Variants in ZNF775 observed in about 807,000 individuals in gnomAD.
ZNF775 encodes the protein zinc finger protein 775.
ZNF775 carries 1 observed loss-of-function variant against 2.4 expected under a neutral mutation model. The observed-to-expected ratio is 0.41, with a 90% CI of 0.15 to 1.94. The LOEUF (loss-of-function observed/expected upper bound fraction) is 1.94, where lower values mean the gene tolerates loss of function less well. ZNF775 is among the 30% of genes most tolerant of loss of function. The probability of loss-of-function intolerance (pLI) is 0.30; values close to 1 mark genes in which losing one functional copy is unlikely to be tolerated. For synonymous variants in ZNF775, 381 were observed against 373.3 expected (o/e 1.02, Z -0.24); for missense variants, 823 against 826.6 (o/e 1.00, Z 0.05).
chr7:150,392,833 C>T (rs1391564056), intron 2 of ZNF775, among the ~76,000 whole-genome samples: 1 of 152,204 alleles, frequency 6.6e-6, no homozygotes, highest in Non-Finnish European at 1.5e-5. Context: ...TGTGCTTGAC[C>T]TAGACTTTAT....
In ZNF775 at chr7:150,397,296, C is replaced by G; in HGVS notation, c.815C>G (p.Pro272Arg). The change falls in exon 3 of 3, where the codon CCC becomes CGC. Residue 272 changes from proline (P) to arginine (R), a missense_variant. Transcript: ENST00000329630. ...GGGGCCCGGGCCGCGGTCTCCGGCCCCGAGGGGCCGGGCGAGCCGCGCCAG... is the reference window on the plus strand; with the variant it reads ...GGGGCCCGGGCCGCGGTCTCCGGCCGCGAGGGGCCGGGCGAGCCGCGCCAG... The part of the protein sequence containing the change: ...QPGARAAVSG[P>R]EGPGEPRQFI... 6.4e-7 allele frequency: 1 copy of G among 1,554,932 alleles called. No individual in the cohort carries two copies.
At chr7:150,396,463 C>T (rs1563260205) in intron 2 of ZNF775, 50 bp from the exon 3 acceptor site, 3 of 1,511,016 alleles carry the variant, frequency 2.0e-6, no homozygotes, top group Non-Finnish European at 2.7e-6. Context: ...TCCCACCCAG[C>T]GGAGCAGCAG....
chr7:150,380,306 G>C (rs960895613), intron 1 of ZNF775: 1 of 152,240 alleles, frequency 6.6e-6, no homozygotes, highest in Non-Finnish European at 1.5e-5. Context: ...CCTTATGACA[G>C]TTTTTATTAA....
intron 1 of ZNF775, among the ~76,000 whole-genome samples, chr7:150,387,724 G>A (rs1800478911): frequency 6.6e-6 from 1 of 151,990 alleles, no homozygotes; most frequent in African/African-American, 2.4e-5. Flanking sequence ...GAGGCAGAAT[G>A]GCGTGAACCT....
At chr7:150,393,704 C>T (rs1456886549) in intron 2 of ZNF775, among the ~76,000 whole-genome samples, 2 of 152,122 alleles carry the variant, frequency 1.3e-5, no homozygotes, top group Non-Finnish European at 2.9e-5. Context: ...GTTTTGCTCT[C>T]GTTGCCCAGG....
At position 150,397,792 on chromosome 7, in the gene ZNF775, C is replaced by T. The variant is rs1278238771; in HGVS notation, c.1311C>T (p.Leu437=). The change falls in exon 3 of 3, where the codon CTC becomes CTT. Residue 437 remains leucine (L), a synonymous_variant. Transcript: ENST00000329630. ...DTLWGRGQAG[L]AGPGEPRQFI... is the part of the protein sequence containing the mutation. ...TGTGGGGCCGGGGACAAGCGGGCCTCGCTGGGCCTGGCGAGCCGCGCCAGT... is the reference window on the plus strand; with the variant it reads ...TGTGGGGCCGGGGACAAGCGGGCCTTGCTGGGCCTGGCGAGCCGCGCCAGT... 18 of 1,556,126 alleles carry T rather than the reference C, an allele frequency of 1.2e-5. No individual in the cohort carries two copies. Among genetic ancestry groups the T allele is most frequent in the Non-Finnish European group, 1.5e-5 (17 of 1,156,356 alleles).
In ZNF775 at chr7:150,396,766, CCT is replaced by C. The variant is rs1320504109; in HGVS notation, c.286_287del (p.Leu96GlufsTer277). ...GRAPGSASGP[L>X]SPSLSSGEGH... ...GGGCTCCCGGGTCAGCCTCCGGCCCCCTGAGCCCCTCGCTTTCCTCCGGCGAG... is the reference window on the plus strand; with the variant it reads ...GGGCTCCCGGGTCAGCCTCCGGCCCCGAGCCCCTCGCTTTCCTCCGGCGAG... On this transcript the variant is annotated frameshift_variant, in exon 3 of 3. Coordinates refer to ENST00000329630, the MANE Select transcript of ZNF775 (RefSeq NM_173680.4). LOFTEE classifies it low-confidence loss of function (END_TRUNC). 2 of 1,591,204 alleles carry C rather than the reference CCT, an allele frequency of 1.3e-6. No homozygotes were observed. The highest frequency in any genetic ancestry group is 3.5e-5 in the Admixed American group (2 of 56,590).
intron 1 of ZNF775, among the ~76,000 whole-genome samples, chr7:150,380,762 A>T (rs920149483): frequency 6.6e-6 from 1 of 152,144 alleles, no homozygotes; most frequent in Non-Finnish European, 1.5e-5. Context: ...TGTTACCTTT[A>T]GTTTCTTTAG....
Position 150,384,912 on chromosome 7 carries a change from G to C in ZNF775, c.-49-3510G>C, listed in dbSNP as rs147807354. 7.9e-5 allele frequency among the ~76,000 whole-genome samples: 12 copies of C among 152,286 alleles called. 1 individual carries two copies. Among genetic ancestry groups the C allele is most frequent in the Admixed American group, 7.8e-4 (12 of 15,304 alleles). On this transcript the variant is annotated intron_variant, in intron 1 of 2. Coordinates refer to ENST00000329630, the MANE Select transcript of ZNF775 (RefSeq NM_173680.4). This position sits in a 1 kb window ranked among gnomAD's most constrained non-coding sequence, Gnocchi z 4.1. Reference sequence around the variant, plus strand: ...GTCTTTGATTTGCCTTGGGGGTCTCGCTCTGTGGAGACCCAGGCCCATCCT... The same window carrying C: ...GTCTTTGATTTGCCTTGGGGGTCTCCCTCTGTGGAGACCCAGGCCCATCCT...
At chr7:150,386,646 G>A (rs1349115381) in intron 1 of ZNF775, among the ~76,000 whole-genome samples, 1 of 152,124 alleles carries the variant, frequency 6.6e-6, no homozygotes, top group African/African-American at 2.4e-5. Context: ...GCCCCTCCCT[G>A]AGGCAGCAGG....
At chr7:150,379,733 C>T (rs1394657224) in intron 1 of ZNF775, 1 of 152,224 alleles carries the variant, frequency 6.6e-6, no homozygotes, top group African/African-American at 2.4e-5. Context: ...CGCGGGCGGT[C>T]TCTCCTGGGC....
At chr7:150,392,901 A>G (rs1293666791) in intron 2 of ZNF775, among the ~76,000 whole-genome samples, 1 of 152,048 alleles carries the variant, frequency 6.6e-6, no homozygotes, top group Non-Finnish European at 1.5e-5. Context: ...GTTCCCCTAT[A>G]CCTTAGCTCC....
chr7:150,389,321 G>A (rs1397924814), intron 2 of ZNF775, among the ~76,000 whole-genome samples: 3 of 152,160 alleles, frequency 2.0e-5, no homozygotes, highest in Admixed American at 1.3e-4. Flanking sequence ...GGGAAGAGCC[G>A]CCTCCCCTCC....
chr7:150,390,073 T>G (rs1350793861), intron 2 of ZNF775, among the ~76,000 whole-genome samples: 1 of 152,180 alleles, frequency 6.6e-6, no homozygotes. Context: ...AGCAATAATC[T>G]GTGCTTTGCA....
At chr7:150,386,762 G>A (rs1439078799) in intron 1 of ZNF775, among the ~76,000 whole-genome samples, 2 of 152,160 alleles carry the variant, frequency 1.3e-5, no homozygotes, top group African/African-American at 4.8e-5. Context: ...CACCCCCAGC[G>A]AGGAGGAGAT....
rs563888702 is a variant in ZNF775 at position 150,397,153 on chromosome 7, G to A, written c.672G>A (p.Leu224=). The A allele has an allele frequency of 1.4e-5, 20 of 1,458,978 alleles. No individual in the cohort carries two copies. The East Asian group carries it at 4.3e-4, about 32-fold the overall frequency. The allele number at this position is 1,458,978 out of a possible 1,614,324, so 90.4% of individuals were successfully genotyped here. ...ACCGCCAGGGCTCCCGCGCCGGCCTGCACGAGCTGATTCAGGACGCGGCGG... is the reference window on the plus strand; with the variant it reads ...ACCGCCAGGGCTCCCGCGCCGGCCTACACGAGCTGATTCAGGACGCGGCGG... The part of the protein sequence containing the change: ...ARDRQGSRAG[L]HELIQDAAAR... Residue 224 remains leucine (L), a synonymous_variant, in exon 3 of 3, where the codon CTG becomes CTA. Transcript: ENST00000329630.
chr7:150,388,612 T>A (rs1800499544), intron 2 of ZNF775, 111 bp downstream of exon 2: 11 of 1,188,184 alleles, frequency 9.3e-6, no homozygotes, highest in Non-Finnish European at 1.3e-5. Flanking sequence ...CAGTAGCTAG[T>A]ACATCCCACT....
At chr7:150,383,149 G>T (rs1312467208) in intron 1 of ZNF775, among the ~76,000 whole-genome samples, 4 of 152,200 alleles carry the variant, frequency 2.6e-5, no homozygotes, top group African/African-American at 9.7e-5. Context: ...GTATCTGGGT[G>T]TGTTTGTGTG....
intron 1 of ZNF775, among the ~76,000 whole-genome samples, chr7:150,386,855 C>T (rs900530866): frequency 1.6e-4 from 25 of 152,176 alleles, no homozygotes; most frequent in African/African-American, 5.6e-4. Context: ...TCTGTGTGCC[C>T]GGCTCTGCTC....
Sources: allele counts gnomAD v4.1 joint callset (sites outside exome capture counted in the v4.1 genomes callset), GRCh38; gene constraint gnomAD v4.1.1; non-coding constraint Gnocchi (gnomAD v3.1); transcripts MANE v1.5; gene names NCBI Gene and HGNC (gene_info 2026-07-23, HGNC 2026-07-21).